Variants in SRFBP1 observed in about 807,000 individuals in gnomAD.
The protein encoded by SRFBP1 is serum response factor-binding protein 1.
Under a neutral mutation model 45.5 loss-of-function variants are expected in SRFBP1, and 47 were observed. That is an observed-to-expected ratio of 1.03 (90% CI 0.82 to 1.32). The LOEUF is 1.32. Among genes scored for constraint, SRFBP1 ranks in the 40% most tolerant of loss-of-function variants. The pLI, the probability that SRFBP1 is intolerant of heterozygous loss-of-function variation, is 0.00. For missense variants in SRFBP1, 621 were observed against 484.6 expected (o/e 1.28, Z -2.64); for synonymous variants, 203 against 166.3 (o/e 1.22, Z -1.70).
chr5:122,036,797 C>T (rs1021532557), intron 2 of SRFBP1, among the ~76,000 whole-genome samples: 4 of 152,082 alleles, frequency 2.6e-5, no homozygotes, highest in Non-Finnish European at 5.9e-5. Flanking sequence ...TAGGTTTTGC[C>T]CCATGTACCT....
intron 3 of SRFBP1, 54 bp downstream of exon 3, chr5:121,975,441 C>T: frequency 1.3e-6 from 2 of 1,595,114 alleles, no homozygotes; most frequent in Non-Finnish European, 1.7e-6. Flanking sequence ...TCCTGTTATC[C>T]TGCATTTTGT....
chr5:122,017,181 A>C (rs1379108468), intron 4 of SRFBP1, among the ~76,000 whole-genome samples: 1 of 152,162 alleles, frequency 6.6e-6, no homozygotes, highest in East Asian at 1.9e-4. Flanking sequence ...GTAAGCCAAG[A>C]TCACGCTACT....
At chr5:121,967,938 T>C (rs915056198) in intron 1 of SRFBP1, among the ~76,000 whole-genome samples, 3 of 152,196 alleles carry the variant, frequency 2.0e-5, no homozygotes, top group Non-Finnish European at 2.9e-5. Flanking sequence ...TTCCTATGTT[T>C]AGGAAATGTC....
At chr5:122,077,896 C>T (rs1316062151), downstream of SRFBP1, 2 of 1,522,220 alleles carry the variant, frequency 1.3e-6, no homozygotes, top group East Asian at 5.1e-5. This position sits in a 1 kb window ranked among gnomAD's most constrained non-coding sequence, Gnocchi z 4.9. Flanking sequence ...CGCGCGGGGG[C>T]TGCTGTTGGC....
intron 4 of SRFBP1, among the ~76,000 whole-genome samples, chr5:122,006,614 G>C (rs915726555): frequency 2.6e-5 from 4 of 150,964 alleles, no homozygotes; most frequent in African/African-American, 9.8e-5. Context: ...TCTCTCTTCT[G>C]ACTATATATT....
intron 2 of SRFBP1, among the ~76,000 whole-genome samples, chr5:122,048,859 G>A (rs144444170): frequency 0.033 from 5,002 of 152,148 alleles, 294 homozygotes; most frequent in African/African-American, 0.11. Context: ...TTCTCTGATG[G>A]TAGTTTGTCT....
At chr5:121,993,862 T>C (rs1752664500) in intron 3 of SRFBP1, among the ~76,000 whole-genome samples, 2 of 152,034 alleles carry the variant, frequency 1.3e-5, no homozygotes, top group African/African-American at 4.8e-5. Context: ...GAAGGGCCTT[T>C]TTTAATTTTT....
Position 122,020,334 on chromosome 5 carries a change from T to C in SRFBP1, c.599T>C (p.Ile200Thr), listed in dbSNP as rs1373973166. 3 of 1,613,806 alleles carry C rather than the reference T, an allele frequency of 1.9e-6. No homozygotes were observed. Among genetic ancestry groups the C allele is most frequent in the Non-Finnish European group, 1.7e-6 (2 of 1,179,946 alleles). ...KMEHGPKAVT[I>T]ANSPSKPSEK... ...GAACATGGACCTAAAGCAGTGACTATTGCAAATTCTCCATCAAAGCCTTCA... is the reference window on the plus strand; with the variant it reads ...GAACATGGACCTAAAGCAGTGACTACTGCAAATTCTCCATCAAAGCCTTCA... Residue 200 changes from isoleucine (I) to threonine (T), a missense_variant, in exon 6 of 8, where the codon ATT becomes ACT. Coordinates refer to ENST00000339397, the MANE Select transcript of SRFBP1 (RefSeq NM_152546.3).
At chr5:121,977,230 TG>T (rs1280430037) in intron 3 of SRFBP1, among the ~76,000 whole-genome samples, 3 of 152,044 alleles carry the variant, frequency 2.0e-5, no homozygotes, top group African/African-American at 7.2e-5. Context: ...ATGGAATGGT[TG>T]CATCATAGAA....
At chr5:121,968,225 A>G (rs1179110847) in intron 1 of SRFBP1, among the ~76,000 whole-genome samples, 1 of 26,220 alleles carries the variant, frequency 3.8e-5, no homozygotes, top group Non-Finnish European at 8.6e-5. Context: ...CTCTGTCATT[A>G]TTATTATTAT....
chr5:121,994,662 T>C lies in SRFBP1; in HGVS notation c.262T>C (p.Phe88Leu). ...LGDDINFEKIFKKPDSTATER... is the reference protein window; with the variant it reads ...LGDDINFEKILKKPDSTATER... Reference sequence around the variant, plus strand: ...TGATGATATCAACTTTGAAAAAATCTTCAAAAAGGTATATCTGCAATAGAT... The same window carrying C: ...TGATGATATCAACTTTGAAAAAATCCTCAAAAAGGTATATCTGCAATAGAT... Residue 88 changes from phenylalanine to leucine, a missense_variant, in exon 4 of 8, where the codon TTC becomes CTC. Transcript: ENST00000339397. 1 of 1,586,648 alleles carries C rather than the reference T, an allele frequency of 6.3e-7. No homozygotes were observed. Among genetic ancestry groups the C allele is most frequent in the Non-Finnish European group, 8.6e-7 (1 of 1,163,284 alleles).
intron 3 of SRFBP1, among the ~76,000 whole-genome samples, chr5:121,992,200 C>T (rs554232610): frequency 1.3e-5 from 2 of 152,144 alleles, no homozygotes; most frequent in East Asian, 3.9e-4. Flanking sequence ...TCAGTGGGGC[C>T]ATATTCTCTC....
At chr5:122,034,697 A>G (rs1332058832) in intron 2 of SRFBP1, among the ~76,000 whole-genome samples, 1 of 152,042 alleles carries the variant, frequency 6.6e-6, no homozygotes, top group African/African-American at 2.4e-5. Flanking sequence ...GCAATTAAGT[A>G]TATTTAATGC....
intron 2 of SRFBP1, among the ~76,000 whole-genome samples, chr5:122,053,580 C>T (rs1425466732): frequency 6.6e-6 from 1 of 151,832 alleles, no homozygotes; most frequent in Non-Finnish European, 1.5e-5. Context: ...GTGGGTGCTT[C>T]CTGGGGCAAT....
chr5:122,038,914 AC>A (rs1753731859), intron 2 of SRFBP1, among the ~76,000 whole-genome samples: 1 of 151,568 alleles, frequency 6.6e-6, no homozygotes, highest in African/African-American at 2.4e-5. Context: ...ACTATAAAAA[AC>A]CCCAAGGAGG....
intron 2 of SRFBP1, among the ~76,000 whole-genome samples, chr5:122,071,606 G>T (rs746084212): frequency 6.6e-6 from 1 of 152,192 alleles, no homozygotes; most frequent in East Asian, 1.9e-4. Context: ...AGTTTCCTCA[G>T]ATTGGAGTCT....
At chr5:122,008,046 C>T (rs772299931) in intron 4 of SRFBP1, among the ~76,000 whole-genome samples, 12 of 152,134 alleles carry the variant, frequency 7.9e-5, no homozygotes, top group Non-Finnish European at 1.6e-4. Flanking sequence ...TGCCTGGTGC[C>T]AAGACAGGCT....
chr5:122,045,487 G>A (rs1042482284), intron 2 of SRFBP1, among the ~76,000 whole-genome samples: 10 of 152,108 alleles, frequency 6.6e-5, no homozygotes, highest in African/African-American at 1.2e-4. Context: ...CTATCCATGA[G>A]CATGGAATGT....
At chr5:122,018,876 C>T (rs1285915623) in intron 4 of SRFBP1, among the ~76,000 whole-genome samples, 1 of 152,118 alleles carries the variant, frequency 6.6e-6, no homozygotes, top group Non-Finnish European at 1.5e-5. Context: ...CAGTTTAGCA[C>T]TAATATGTTA....
Sources: allele counts gnomAD v4.1 joint callset (sites outside exome capture counted in the v4.1 genomes callset), GRCh38; gene constraint gnomAD v4.1.1; non-coding constraint Gnocchi (gnomAD v3.1); transcripts MANE v1.5; gene names NCBI Gene and HGNC (gene_info 2026-07-23, HGNC 2026-07-21).